DNAH11: variants seen among roughly 807,000 people sequenced by gnomAD.
The protein encoded by DNAH11 is axonemal beta dynein heavy chain 11.
DNAH11 carries 442 observed loss-of-function variants against 526.0 expected under a neutral mutation model. The observed-to-expected ratio is 0.84, with a 90% CI of 0.78 to 0.91. The LOEUF (loss-of-function observed/expected upper bound fraction) is 0.91, where lower values mean the gene tolerates loss of function less well. Ranked by LOEUF, DNAH11 falls within the 40% of genes least tolerant of loss-of-function variation. The probability of loss-of-function intolerance (pLI) is 0.00; values close to 1 mark genes in which losing one functional copy is unlikely to be tolerated. For missense variants in DNAH11, 6,989 were observed against 5,448.7 expected, an observed-to-expected ratio of 1.28 and a Z score of -8.90; for synonymous variants, 2,461 against 1,935.9, an observed-to-expected ratio of 1.27 and a Z score of -7.12.
intron 62 of DNAH11, among the ~76,000 whole-genome samples, chr7:21,805,102 G>C (rs527908945): frequency 1.3e-5 from 2 of 152,186 alleles, no homozygotes; most frequent in East Asian, 3.9e-4. Flanking sequence ...CTCATTATCA[G>C]TTGGTTTTCT....
At chr7:21,698,958 T>C (rs1036903497) in intron 36 of DNAH11, among the ~76,000 whole-genome samples, 2 of 152,140 alleles carry the variant, frequency 1.3e-5, no homozygotes, top group Non-Finnish European at 2.9e-5. Context: ...TTTTATTTTT[T>C]TCTGAAATTT....
In DNAH11 at chr7:21,710,797, A is replaced by T. The variant is rs796553021; in HGVS notation, c.6834+94A>T. The T allele has an allele frequency of 5.6e-6, 7 of 1,249,688 alleles. No homozygotes were observed. The African/African-American group carries it at 1.1e-4, about 19-fold the overall frequency. 77.4% of individuals were successfully genotyped at this position (1,249,688 alleles called of 1,614,324 possible). Reference sequence around the variant, plus strand: ...TCGATGTTAATACTAGTTTTTGCTCATTAACCTGGGATTCTTTATGTAATT... The same window carrying T: ...TCGATGTTAATACTAGTTTTTGCTCTTTAACCTGGGATTCTTTATGTAATT... On this transcript the variant is annotated intron_variant, in intron 41 of 81. Coordinates refer to ENST00000409508, the MANE Select transcript of DNAH11 (RefSeq NM_001277115.2).
intron 26 of DNAH11, among the ~76,000 whole-genome samples, chr7:21,636,383 G>T (rs1028410779): frequency 7.2e-5 from 11 of 152,032 alleles, no homozygotes; most frequent in African/African-American, 2.7e-4. Flanking sequence ...ACTGAAATTT[G>T]AATTTCACAT....
chr7:21,856,876 A>G (rs973056133), intron 68 of DNAH11, among the ~76,000 whole-genome samples: 1 of 152,206 alleles, frequency 6.6e-6, no homozygotes, highest in Non-Finnish European at 1.5e-5. Context: ...CACCAACATT[A>G]TACTTAATGT....
At chr7:21,736,888 C>T (rs1257746144) in intron 46 of DNAH11, among the ~76,000 whole-genome samples, 1 of 152,164 alleles carries the variant, frequency 6.6e-6, no homozygotes, top group East Asian at 1.9e-4. Context: ...TACTTTTTCC[C>T]AAGCATTGTG....
intron 2 of DNAH11, among the ~76,000 whole-genome samples, chr7:21,555,044 C>T (rs1434606384): frequency 1.3e-5 from 2 of 152,126 alleles, no homozygotes; most frequent in Non-Finnish European, 2.9e-5. Flanking sequence ...GGTCCCAGGG[C>T]TTTTCACTGG....
chr7:21,585,043 T>C (rs1038734364), intron 9 of DNAH11, among the ~76,000 whole-genome samples: 1 of 152,130 alleles, frequency 6.6e-6, no homozygotes, highest in African/African-American at 2.4e-5. Flanking sequence ...AATTCTGTTA[T>C]AGTACCTGTC....
At chr7:21,554,238 A>G (rs984554705) in intron 2 of DNAH11, among the ~76,000 whole-genome samples, 1 of 146,732 alleles carries the variant, frequency 6.8e-6, no homozygotes, top group Non-Finnish European at 1.5e-5. Flanking sequence ...CAGTGGTGCA[A>G]TCTTGGCTCA....
intron 2 of DNAH11, among the ~76,000 whole-genome samples, chr7:21,548,685 A>G (rs957702714): frequency 2.0e-5 from 3 of 152,166 alleles, no homozygotes; most frequent in African/African-American, 7.2e-5. Flanking sequence ...CCTGGGGCAC[A>G]TGGAAAGCTG....
At chr7:21,816,282 A>C (rs1789787874) in intron 63 of DNAH11, among the ~76,000 whole-genome samples, 185 bp from the exon 64 acceptor site, 1 of 152,212 alleles carries the variant, frequency 6.6e-6, no homozygotes, top group Non-Finnish European at 1.5e-5. Flanking sequence ...TCTGAGATGT[A>C]AATACTGGAT....
chr7:21,615,318 T>C lies in DNAH11; in HGVS notation c.4011+46T>C, dbSNP rs1785719561. Reference sequence around the variant, plus strand: ...ACATGCTTTTTATTTAGTAGTTCTTTTACATATGCAGTTTGTGGAGCCTAT... The same window carrying C: ...ACATGCTTTTTATTTAGTAGTTCTTCTACATATGCAGTTTGTGGAGCCTAT... On this transcript the variant is annotated intron_variant, in intron 21 of 81. Coordinates refer to ENST00000409508, the MANE Select transcript of DNAH11 (RefSeq NM_001277115.2). The C allele has an allele frequency of 1.9e-5, 30 of 1,595,296 alleles. No individual in the cohort carries two copies. In the East Asian group the frequency reaches 6.7e-4, roughly 36 times the overall value.
chr7:21,678,981 G>A (rs1175808125), intron 30 of DNAH11, among the ~76,000 whole-genome samples: 1 of 152,092 alleles, frequency 6.6e-6, no homozygotes, highest in Non-Finnish European at 1.5e-5. Context: ...AAAAACCCAA[G>A]TATTCATTAA....
chr7:21,637,800 A>C, intron 27 of DNAH11, 98 bp downstream of exon 27: 1 of 628,016 alleles, frequency 1.6e-6, no homozygotes, highest in Middle Eastern at 3.0e-4. Flanking sequence ...TGGAGGTGCA[A>C]CCTCTACTAA....
intron 68 of DNAH11, among the ~76,000 whole-genome samples, chr7:21,860,818 C>T (rs1583783545): frequency 2.0e-5 from 3 of 152,280 alleles, no homozygotes; most frequent in African/African-American, 7.2e-5. Context: ...TTCCACGTGG[C>T]TGGGGAGGCC....
At position 21,852,588 on chromosome 7, in the gene DNAH11, G is replaced by T; in HGVS notation, c.11018G>T (p.Arg3673Ile). ...CTGGATGACACCAAACTGGTAGAGA[G>T]ATTGGAGGCAACAAAGACCACCGTG... ...SFLDDTKLVE[R>I]LEATKTTVAE... Residue 3673 changes from arginine to isoleucine, a missense_variant, in exon 67 of 82, where the codon AGA becomes ATA. By Grantham distance (97) the Arg-to-Ile change is moderately conservative. Transcript: ENST00000409508. 1 of 1,606,162 alleles carries T rather than the reference G, an allele frequency of 6.2e-7. No homozygotes were observed. The highest frequency in any genetic ancestry group is 1.1e-5 in the South Asian group (1 of 88,868).
At chr7:21,757,170 T>G (rs867917981) in intron 54 of DNAH11, among the ~76,000 whole-genome samples, 1 of 152,244 alleles carries the variant, frequency 6.6e-6, no homozygotes, top group Admixed American at 6.5e-5. Flanking sequence ...AGATCATCTT[T>G]TGATTTTTAA....
chr7:21,766,554 GGCATAACT>G (rs1338576193), intron 55 of DNAH11, among the ~76,000 whole-genome samples: 1 of 152,236 alleles, frequency 6.6e-6, no homozygotes, highest in East Asian at 1.9e-4. Context: ...TTACCCAAAA[GGCATAACT>G]GCCACCTTTC....
At chr7:21,563,407 C>T (rs956408051) in intron 5 of DNAH11, among the ~76,000 whole-genome samples, 1 of 152,026 alleles carries the variant, frequency 6.6e-6, no homozygotes, top group East Asian at 1.9e-4. Flanking sequence ...TGGGGTCTTG[C>T]TATCTTTCCC....
intron 55 of DNAH11, among the ~76,000 whole-genome samples, chr7:21,769,484 G>GT (rs369313852): frequency 1.4e-5 from 2 of 138,898 alleles, no homozygotes; most frequent in African/African-American, 2.7e-5. Flanking sequence ...TTATTCTTTG[G>GT]TTTTTTTTTT....
Sources: allele counts gnomAD v4.1 joint callset (sites outside exome capture counted in the v4.1 genomes callset), GRCh38; gene constraint gnomAD v4.1.1; transcripts MANE v1.5; gene names NCBI Gene and HGNC (gene_info 2026-07-23, HGNC 2026-07-21).